DAB2IP: variants seen among roughly 807,000 people sequenced by gnomAD.
DAB2IP encodes the protein disabled homolog 2-interacting protein.
DAB2IP carries 28 observed loss-of-function variants against 107.2 expected under a neutral mutation model. The observed-to-expected ratio is 0.26, with a 90% CI of 0.19 to 0.36. The LOEUF is 0.36. Among genes scored for constraint, DAB2IP ranks in the 10% least tolerant of loss-of-function variants. The pLI, the probability that DAB2IP is intolerant of heterozygous loss-of-function variation, is 1.00. For synonymous variants in DAB2IP, 755 were observed against 706.4 expected, an observed-to-expected ratio of 1.07 and a Z score of -1.09; for missense variants, 1,400 against 1,644.7, an observed-to-expected ratio of 0.85 and a Z score of 2.57.
At chr9:121,631,405 G>C (rs1228720285) in intron 1 of DAB2IP, among the ~76,000 whole-genome samples, 1 of 152,132 alleles carries the variant, frequency 6.6e-6, no homozygotes, top group Non-Finnish European at 1.5e-5. Context: ...ACCAGACTAA[G>C]CAAAGAAATG....
chr9:121,773,318 C>A, exon 12 of DAB2IP: 2 of 1,526,916 alleles, frequency 1.3e-6, no homozygotes, highest in African/African-American at 1.4e-5. Flanking sequence ...CACCTCCTGC[C>A]CCCCGCGGCC....
intron 3 of DAB2IP, among the ~76,000 whole-genome samples, chr9:121,704,228 T>A (rs1021780067): frequency 5.3e-5 from 8 of 152,114 alleles, no homozygotes; most frequent in Non-Finnish European, 1.0e-4. Flanking sequence ...GAGTTTGAGA[T>A]TTTTCTTAGA....
intron 1 of DAB2IP, among the ~76,000 whole-genome samples, chr9:121,629,657 G>A (rs1056697177): frequency 1.3e-5 from 2 of 152,172 alleles, no homozygotes; most frequent in Admixed American, 6.5e-5. Context: ...CTGGCTCCAG[G>A]GAGTCATTCC....
chr9:121,599,730 G>C lies in DAB2IP; in HGVS notation c.40+32502G>C, dbSNP rs1322260681. ...GGCCGCTCAGGCTCCGGAGCCTTTG[G>C]GATGGCAGCGCCCAGCGGCCCGGCC... is the stretch of plus-strand genomic sequence containing the variant. On this transcript the variant is annotated intron_variant, in intron 1 of 16. Transcript: ENST00000259371. The surrounding 1 kb of genome is among the most constrained non-coding windows in gnomAD (Gnocchi z 6.9). 2.0e-5 allele frequency among the ~76,000 whole-genome samples: 3 copies of C among 152,056 alleles called. No homozygotes were observed. The highest frequency in any genetic ancestry group is 4.4e-5 in the Non-Finnish European group (3 of 67,982).
At chr9:121,764,626 C>A (rs1036670575) in intron 8 of DAB2IP, among the ~76,000 whole-genome samples, 41 of 152,280 alleles carry the variant, frequency 2.7e-4, no homozygotes, top group African/African-American at 9.6e-4. Context: ...TTCATATTCA[C>A]CCCAGAGGAG....
intron 1 of DAB2IP, among the ~76,000 whole-genome samples, chr9:121,609,375 G>A (rs185792511): frequency 6.6e-6 from 1 of 152,224 alleles, no homozygotes; most frequent in African/African-American, 2.4e-5. Context: ...ACTTTTACAG[G>A]CTGTCTAGTG....
chr9:121,636,233 A>G (rs969110016), intron 1 of DAB2IP, among the ~76,000 whole-genome samples: 6 of 152,110 alleles, frequency 3.9e-5, no homozygotes, highest in Non-Finnish European at 8.8e-5. Context: ...GGGTGGAACC[A>G]GGGCTGCACT....
intron 9 of DAB2IP, among the ~76,000 whole-genome samples, chr9:121,767,542 A>G (rs895709700): frequency 2.0e-5 from 3 of 152,182 alleles, no homozygotes; most frequent in African/African-American, 7.2e-5. Context: ...CATCCCAGGG[A>G]GGGCCATGCA....
chr9:121,576,952 A>G (rs1476807462), intron 1 of DAB2IP, among the ~76,000 whole-genome samples: 1 of 151,794 alleles, frequency 6.6e-6, no homozygotes, highest in African/African-American at 2.4e-5. Flanking sequence ...AGAAGCCCTC[A>G]CTCAACTGCC....
intron 1 of DAB2IP, among the ~76,000 whole-genome samples, chr9:121,620,049 G>T (rs1831409289): frequency 6.6e-6 from 1 of 152,174 alleles, no homozygotes; most frequent in African/African-American, 2.4e-5. Flanking sequence ...GTCAAAAATT[G>T]TCATCATCAA....
At chr9:121,668,350 G>T (rs1417239979) in intron 1 of DAB2IP, among the ~76,000 whole-genome samples, 1 of 150,202 alleles carries the variant, frequency 6.7e-6, no homozygotes, top group African/African-American at 2.5e-5. Flanking sequence ...TGATTCTCCT[G>T]CCTCAGCCTC....
At chr9:121,739,671 G>A (rs552229022) in intron 3 of DAB2IP, among the ~76,000 whole-genome samples, 1 of 152,306 alleles carries the variant, frequency 6.6e-6, no homozygotes, top group Non-Finnish European at 1.5e-5. Flanking sequence ...GCTCCACGCT[G>A]GACATTTCAG....
At chr9:121,784,497 G>A (rs2119053882) in exon 16 of DAB2IP, 1 of 153,918 alleles carries the variant, frequency 6.5e-6, no homozygotes, top group Non-Finnish European at 1.5e-5. Flanking sequence ...CCCTTGCAGG[G>A]TGGGTGAGCT....
intron 3 of DAB2IP, among the ~76,000 whole-genome samples, chr9:121,743,339 C>T (rs1832481458): frequency 6.6e-6 from 1 of 152,116 alleles, no homozygotes; most frequent in African/African-American, 2.4e-5. Context: ...CCTTCGTGGA[C>T]TTTGAATTTT....
At chr9:121,781,105 T>C (rs947998901) in intron 14 of DAB2IP, among the ~76,000 whole-genome samples, 3 of 152,212 alleles carry the variant, frequency 2.0e-5, no homozygotes, top group Non-Finnish European at 4.4e-5. Flanking sequence ...CTAGAGCCTT[T>C]CAGGGCCTTC....
rs1834842220 is a variant in DAB2IP at position 121,772,580 on chromosome 9, TC to T, written c.2079-24del. 1.3e-6 allele frequency: 2 copies of T among 1,590,564 alleles called. No homozygotes were observed. Among genetic ancestry groups the T allele is most frequent in the Non-Finnish European group, 1.7e-6 (2 of 1,166,026 alleles). Reference sequence around the variant, plus strand: ...TCACAGTTCTTCTTTTCCCCTTCTTTCCCTGTGTGTGCTTGTCTCCCTGCAG... The same window carrying T: ...TCACAGTTCTTCTTTTCCCCTTCTTTCCTGTGTGTGCTTGTCTCCCTGCAG... On this transcript the variant is annotated intron_variant, in intron 11 of 15. Transcript: ENST00000408936. This position sits in a 1 kb window ranked among gnomAD's most constrained non-coding sequence, Gnocchi z 4.7.
intron 5 of DAB2IP, among the ~76,000 whole-genome samples, 159 bp from the exon 6 acceptor site, chr9:121,759,726 A>G (rs958236764): frequency 6.6e-6 from 1 of 152,136 alleles, no homozygotes; most frequent in Non-Finnish European, 1.5e-5. Context: ...GCCCTTGTCC[A>G]TCATGCCCTG....
intron 12 of DAB2IP, 40 bp downstream of exon 12, chr9:121,773,535 G>C (rs764737703): frequency 7.0e-7 from 1 of 1,432,576 alleles, no homozygotes; most frequent in Non-Finnish European, 9.2e-7. Flanking sequence ...GGGCACTTGG[G>C]CCCAGCTGGG....
At chr9:121,615,498 G>A (rs1355694696) in intron 1 of DAB2IP, among the ~76,000 whole-genome samples, 1 of 152,186 alleles carries the variant, frequency 6.6e-6, no homozygotes, top group Non-Finnish European at 1.5e-5. Flanking sequence ...CTAGCCTCAG[G>A]TAAATCCCAG....
Sources: gnomAD v4.1 joint callset for allele counts (sites outside exome capture counted in the v4.1 genomes callset) on GRCh38, gnomAD v4.1.1 for gene constraint, Gnocchi (gnomAD v3.1) non-coding constraint, MANE v1.5 for transcripts, NCBI Gene and HGNC (gene_info 2026-07-23, HGNC 2026-07-21) for gene names.